KCNH5: variants seen among roughly 807,000 people sequenced by gnomAD.
The protein encoded by KCNH5 is voltage-gated delayed rectifier potassium channel KCNH5.
In KCNH5, 46 loss-of-function variants were observed where a neutral mutation model predicts 96.1. That is an observed-to-expected ratio of 0.48 (90% CI 0.38 to 0.61). KCNH5 has a LOEUF of 0.61. Among genes scored for constraint, KCNH5 ranks in the 20% least tolerant of loss-of-function variants. The pLI, the probability that KCNH5 is intolerant of heterozygous loss-of-function variation, is 0.00. For synonymous variants in KCNH5, 439 were observed against 449.8 expected (o/e 0.98, Z 0.30); for missense variants, 907 against 1,225.8 (o/e 0.74, Z 3.88).
chr14:62,870,120 A>C (rs1471344977), intron 7 of KCNH5, among the ~76,000 whole-genome samples: 1 of 152,178 alleles, frequency 6.6e-6, no homozygotes, highest in Non-Finnish European at 1.5e-5. Flanking sequence ...TTTTCTTTAT[A>C]AGTCTCCCAA....
chr14:62,826,382 T>TTG (rs145393431), intron 8 of KCNH5, among the ~76,000 whole-genome samples: 46 of 141,704 alleles, frequency 3.2e-4, no homozygotes, highest in East Asian at 1.8e-3. Context: ...TGTTGAGATT[T>TTG]TGTGTGTGTG....
At chr14:62,734,043 A>C (rs902461947) in intron 10 of KCNH5, among the ~76,000 whole-genome samples, 9 of 152,184 alleles carry the variant, frequency 5.9e-5, no homozygotes, top group Non-Finnish European at 2.9e-5. Flanking sequence ...ATTATGTGCC[A>C]AAATCATTAT....
chr14:62,718,212 T>C (rs556250403), intron 10 of KCNH5, among the ~76,000 whole-genome samples: 2 of 152,250 alleles, frequency 1.3e-5, no homozygotes, highest in South Asian at 2.1e-4. Flanking sequence ...ATTTGGGTGA[T>C]GGGTTCAATA....
chr14:62,864,735 C>T (rs1888100378), intron 7 of KCNH5, among the ~76,000 whole-genome samples: 2 of 152,184 alleles, frequency 1.3e-5, no homozygotes, highest in South Asian at 4.1e-4. Context: ...ATTAGCATGT[C>T]ACAATGCATA....
In KCNH5 at chr14:62,950,567, T is replaced by TAAAA; in HGVS notation, c.943-12_943-9dup. The TAAAA allele has an allele frequency of 7.3e-7, 1 of 1,371,444 alleles. No homozygotes were observed. The highest frequency in any genetic ancestry group is 1.5e-5 in the South Asian group (1 of 65,578). 85.0% of individuals were successfully genotyped at this position (1,371,444 alleles called of 1,614,324 possible). A position where few individuals can be genotyped will look rare whatever the true frequency, so the allele number is the denominator to read the frequency against. ...GAAGAGACTGCTGATTCCCTGGATT[T>TAAAA]AAAAAAAAAAAAAAAATTACACCAC... On this transcript the variant is annotated splice_polypyrimidine_tract_variant and intron_variant, in intron 6 of 10. Transcript: ENST00000322893.
intron 7 of KCNH5, among the ~76,000 whole-genome samples, chr14:62,949,337 A>G (rs918366953): frequency 6.6e-6 from 1 of 152,230 alleles, no homozygotes; most frequent in African/African-American, 2.4e-5. Flanking sequence ...TCAAAGTACA[A>G]TCTTAAGGTT....
At chr14:62,871,745 T>C (rs1440430679) in intron 7 of KCNH5, among the ~76,000 whole-genome samples, 1 of 152,156 alleles carries the variant, frequency 6.6e-6, no homozygotes, top group African/African-American at 2.4e-5. Flanking sequence ...TGGAAGGACA[T>C]ATATGCTTCC....
At chr14:62,788,358 TG>T (rs1225467552) in intron 9 of KCNH5, among the ~76,000 whole-genome samples, 1 of 152,104 alleles carries the variant, frequency 6.6e-6, no homozygotes, top group African/African-American at 2.4e-5. Flanking sequence ...AACCAACAGG[TG>T]AGAAGTTGCT....
intron 7 of KCNH5, among the ~76,000 whole-genome samples, chr14:62,876,972 G>C (rs531643382): frequency 1.3e-5 from 2 of 152,268 alleles, no homozygotes; most frequent in South Asian, 4.1e-4. Context: ...ATTTCTAAAA[G>C]AAAACATAGG....
At chr14:62,978,028 C>T (rs750422526) in intron 6 of KCNH5, among the ~76,000 whole-genome samples, 2 of 152,096 alleles carry the variant, frequency 1.3e-5, no homozygotes, top group Non-Finnish European at 2.9e-5. Flanking sequence ...GGGAAGAGCC[C>T]TGGGGAAATG....
chr14:62,732,409 T>C (rs749652133), intron 10 of KCNH5, among the ~76,000 whole-genome samples: 3 of 152,126 alleles, frequency 2.0e-5, no homozygotes, highest in Non-Finnish European at 4.4e-5. Context: ...TATCCTTATA[T>C]CATAAAGTAG....
chr14:62,766,132 A>T (rs1319323970), intron 10 of KCNH5, among the ~76,000 whole-genome samples: 1 of 152,144 alleles, frequency 6.6e-6, no homozygotes, highest in Non-Finnish European at 1.5e-5. Flanking sequence ...ATAATGAGTT[A>T]TCACCTCAGT....
rs144540016 is a variant in KCNH5 at position 63,040,552 on chromosome 14, C to A, written c.73+4562G>T. Among the ~76,000 whole-genome samples the A allele has an allele frequency of 1.6e-3, 239 of 152,204 alleles. 1 individual carries two copies. The highest frequency in any genetic ancestry group is 5.6e-3 in the African/African-American group (233 of 41,536). On this transcript the variant is annotated intron_variant, in intron 1 of 10. Transcript: ENST00000322893. ...CACTGTGTGGTTTTATCAGTATTTC[C>A]TGAATAGTGTCTTAGATATTAAAGA...
At chr14:62,912,842 T>A (rs1232236917) in intron 7 of KCNH5, among the ~76,000 whole-genome samples, 1 of 152,252 alleles carries the variant, frequency 6.6e-6, no homozygotes, top group African/African-American at 2.4e-5. Context: ...AACTATCTTT[T>A]TTAACACTGA....
At chr14:62,794,828 G>T (rs2139992399) in intron 9 of KCNH5, among the ~76,000 whole-genome samples, 1 of 152,148 alleles carries the variant, frequency 6.6e-6, no homozygotes, top group Admixed American at 6.6e-5. Context: ...ATGTATTAAT[G>T]AAATTAATTC....
At chr14:62,743,234 C>T (rs1199398250) in intron 10 of KCNH5, among the ~76,000 whole-genome samples, 2 of 152,120 alleles carry the variant, frequency 1.3e-5, no homozygotes, top group Non-Finnish European at 2.9e-5. Flanking sequence ...GTATAATGGG[C>T]CTCACCCCTA....
At chr14:62,837,809 G>A in intron 8 of KCNH5, among the ~76,000 whole-genome samples, 1 of 152,080 alleles carries the variant, frequency 6.6e-6, no homozygotes, top group East Asian at 1.9e-4. Flanking sequence ...TACTTTACCA[G>A]GCACTCTGAA....
intron 6 of KCNH5, among the ~76,000 whole-genome samples, chr14:62,962,684 T>C (rs2139544930): frequency 6.6e-6 from 1 of 152,292 alleles, no homozygotes; most frequent in South Asian, 2.1e-4. Flanking sequence ...TATGGAAAGT[T>C]GCTGAAGTGT....
intron 3 of KCNH5, among the ~76,000 whole-genome samples, chr14:63,005,075 A>G (rs1033252224): frequency 2.0e-5 from 3 of 152,184 alleles, no homozygotes; most frequent in Admixed American, 2.0e-4. Context: ...GCAAAAAAAG[A>G]CCCAGAAAGC....
Sources: allele counts gnomAD v4.1 joint callset (sites outside exome capture counted in the v4.1 genomes callset), GRCh38; gene constraint gnomAD v4.1.1; transcripts MANE v1.5; gene names NCBI Gene and HGNC (gene_info 2026-07-23, HGNC 2026-07-21).